The following PRICKLE2 variants were observed in gnomAD, a reference collection of about 807,000 sequenced individuals.
PRICKLE2 encodes the protein prickle planar cell polarity protein 2, also known as prickle-like protein 2.
PRICKLE2 carries 21 observed loss-of-function variants against 81.4 expected under a neutral mutation model. That is an observed-to-expected ratio of 0.26 (90% confidence interval 0.18 to 0.37). The LOEUF is 0.37. Among genes scored for constraint, PRICKLE2 ranks in the 10% least tolerant of loss-of-function variants. The probability of loss-of-function intolerance (pLI) is 1.00; values close to 1 mark genes in which losing one functional copy is unlikely to be tolerated. For missense variants in PRICKLE2, 940 were observed against 1,109.0 expected, an observed-to-expected ratio of 0.85 and a Z score of 2.16; for synonymous variants, 456 against 421.5, an observed-to-expected ratio of 1.08 and a Z score of -1.00.
chr3:64,106,444 C>G (rs1183053949), intron 7 of PRICKLE2, among the ~76,000 whole-genome samples: 1 of 152,152 alleles, frequency 6.6e-6, no homozygotes, highest in Non-Finnish European at 1.5e-5. Flanking sequence ...TGCAAAGACT[C>G]AAATATGTTA....
At chr3:64,175,222 A>T (rs192664316) in intron 2 of PRICKLE2, 1 of 157,382 alleles carries the variant, frequency 6.4e-6, no homozygotes, top group African/African-American at 2.4e-5. Flanking sequence ...TTAGCATTTC[A>T]AAGATGATTA....
chr3:64,226,012 C>T (rs1425620334), upstream of PRICKLE2, among the ~76,000 whole-genome samples: 2 of 152,064 alleles, frequency 1.3e-5, no homozygotes, highest in Non-Finnish European at 2.9e-5. Flanking sequence ...CTCCTTTCCT[C>T]ACGTGCTTGG....
chr3:64,121,119 T>G (rs2077017709), intron 7 of PRICKLE2, among the ~76,000 whole-genome samples: 1 of 152,222 alleles, frequency 6.6e-6, no homozygotes, highest in Non-Finnish European at 1.5e-5. Flanking sequence ...GCTGCTTACC[T>G]GGTAGGAGCT....
chr3:64,218,891 AC>A (rs1430992897), intron 1 of PRICKLE2, among the ~76,000 whole-genome samples: 1 of 152,180 alleles, frequency 6.6e-6, no homozygotes, highest in African/African-American at 2.4e-5. Flanking sequence ...AGGTAGATGC[AC>A]ATTAAACTTG....
At chr3:64,228,123 C>T (rs1392651489), upstream of PRICKLE2, among the ~76,000 whole-genome samples, 3 of 152,164 alleles carry the variant, frequency 2.0e-5, no homozygotes, top group Non-Finnish European at 2.9e-5. Flanking sequence ...ATACATGCTT[C>T]ACCCATTCAT....
At chr3:64,157,529 T>C (rs979830220) in intron 4 of PRICKLE2, among the ~76,000 whole-genome samples, 164 bp from the exon 5 acceptor site, 5 of 152,136 alleles carry the variant, frequency 3.3e-5, no homozygotes, top group African/African-American at 1.2e-4. Context: ...GTTTTTCTTG[T>C]CCTCCCTGAA....
At chr3:64,126,718 C>A (rs549109132) in intron 7 of PRICKLE2, among the ~76,000 whole-genome samples, 1 of 152,302 alleles carries the variant, frequency 6.6e-6, no homozygotes, top group Non-Finnish European at 1.5e-5. Context: ...GCTGGGACTA[C>A]AGGTGCACAC....
chr3:64,121,010 G>A (rs370175798), intron 7 of PRICKLE2, among the ~76,000 whole-genome samples: 2 of 152,152 alleles, frequency 1.3e-5, no homozygotes, highest in Admixed American at 6.5e-5. Context: ...CCTGCTCTTG[G>A]TCTCCAATCT....
At chr3:64,102,101 A>G (rs1404660227) in intron 7 of PRICKLE2, 1 of 152,208 alleles carries the variant, frequency 6.6e-6, no homozygotes, top group Non-Finnish European at 1.5e-5. Context: ...ATTTGTTATG[A>G]AAAAAGGGAC....
chr3:64,153,425 A>G (rs1002036369), intron 5 of PRICKLE2, 57 bp from the exon 6 acceptor site: 11 of 1,561,438 alleles, frequency 7.0e-6, no homozygotes, highest in African/African-American at 5.4e-5. Context: ...ACATATTTTA[A>G]AGGAAGAAAG....
At chr3:64,263,854 C>T (rs908885857) in intron 2 of PRICKLE2, among the ~76,000 whole-genome samples, 1 of 152,136 alleles carries the variant, frequency 6.6e-6, no homozygotes, top group African/African-American at 2.4e-5. Context: ...GCTGAACACT[C>T]CTCAAGTTGT....
rs763716032 is a variant in PRICKLE2 at position 64,099,977 on chromosome 3, G to A, written c.1661-52C>T. The A allele has an allele frequency of 5.7e-6, 9 of 1,571,496 alleles. No individual in the cohort carries two copies. In the Admixed American group the frequency reaches 1.3e-4, roughly 23 times the overall value. On this transcript the variant is annotated intron_variant, in intron 7 of 7. Coordinates refer to ENST00000638394, the MANE Select transcript of PRICKLE2 (RefSeq NM_198859.4). The surrounding 1 kb of genome is among the most constrained non-coding windows in gnomAD (Gnocchi z 4.3). ...AGATTAATACAGATGTGCAGCAATGGGTATCACTGTCACTGCTGGTCATCT... is the reference window on the plus strand; with the variant it reads ...AGATTAATACAGATGTGCAGCAATGAGTATCACTGTCACTGCTGGTCATCT...
At position 64,225,045 on chromosome 3, in the gene PRICKLE2, C is replaced by T; in HGVS notation, c.-176G>A. 9 of 985,548 alleles carry T rather than the reference C, an allele frequency of 9.1e-6. No homozygotes were observed. The highest frequency in any genetic ancestry group is 1.1e-5 in the Non-Finnish European group (9 of 830,094). The allele number at this position is 985,548 out of a possible 1,614,324, so 61.1% of individuals were successfully genotyped here. On this transcript the variant is annotated 5_prime_UTR_variant, in exon 1 of 8. Transcript: ENST00000638394. ...GCAGGACCTCAGGCAGCCAAAGCAT[C>T]TTCTCCTCAAACCCCCTTTTCAGTC...
chr3:64,110,959 C>CAAAAAAAAA (rs550808708), intron 7 of PRICKLE2, among the ~76,000 whole-genome samples: 3 of 63,864 alleles, frequency 4.7e-5, no homozygotes, highest in African/African-American at 7.7e-5. Flanking sequence ...GACTCCATCT[C>CAAAAAAAAA]AAAAAAAAAA....
intron 2 of PRICKLE2, among the ~76,000 whole-genome samples, chr3:64,252,504 G>A (rs1250898335): frequency 6.6e-6 from 1 of 152,122 alleles, no homozygotes; most frequent in Non-Finnish European, 1.5e-5. Context: ...TCCCAACATC[G>A]ATTCTTTACC....
chr3:64,170,789 CA>C (rs910494678), intron 2 of PRICKLE2, among the ~76,000 whole-genome samples: 1 of 151,578 alleles, frequency 6.6e-6, no homozygotes, highest in African/African-American at 2.4e-5. Flanking sequence ...CTGGGAGGAT[CA>C]CTTGAGTCTG....
chr3:64,208,600 C>G (rs1003536580), intron 1 of PRICKLE2, among the ~76,000 whole-genome samples: 1 of 152,170 alleles, frequency 6.6e-6, no homozygotes, highest in African/African-American at 2.4e-5. Flanking sequence ...TGTGCTTTGA[C>G]TGAGGATGGC....
rs1274767507 is a variant in PRICKLE2, at chr3:64,200,620, C to CT, written c.-40-1654dup. On this transcript the variant is annotated intron_variant, in intron 1 of 7. Coordinates refer to ENST00000638394, the MANE Select transcript of PRICKLE2 (RefSeq NM_198859.4). ...CACAGGGGCATGCCACCACGCCTGG[C>CT]TTTTTTTTTTTCTGAGACAGAGTCT... 145 of 146,462 alleles carry CT rather than the reference C, an allele frequency of 9.9e-4. 2 individuals are homozygous for CT. Among genetic ancestry groups the CT allele is most frequent in the Non-Finnish European group, 9.3e-4 (61 of 65,900 alleles). 9.1% of individuals were successfully genotyped at this position (146,462 alleles called of 1,614,324 possible).
rs796247245 is a variant in PRICKLE2 at position 64,219,652 on chromosome 3, C to T, written c.-41+5258G>A. Among the ~76,000 whole-genome samples the T allele has an allele frequency of 5.3e-5, 8 of 152,296 alleles. 1 individual carries two copies. Among genetic ancestry groups the T allele is most frequent in the African/African-American group, 1.7e-4 (7 of 41,558 alleles). On this transcript the variant is annotated intron_variant, in intron 1 of 7. Coordinates refer to ENST00000638394, the MANE Select transcript of PRICKLE2 (RefSeq NM_198859.4). ...TGTTTCCAACTTTACCAAAGATCAA[C>T]CAACGAGATTTTAATTCAATGGCTA... is the stretch of plus-strand genomic sequence containing the variant.
Sources: gnomAD v4.1 joint callset for allele counts (sites outside exome capture counted in the v4.1 genomes callset) on GRCh38, gnomAD v4.1.1 for gene constraint, Gnocchi (gnomAD v3.1) non-coding constraint, MANE v1.5 for transcripts, NCBI Gene and HGNC (gene_info 2026-07-23, HGNC 2026-07-21) for gene names.